Variants in LSM6 observed in about 807,000 individuals in gnomAD.
LSM6 encodes U6 snRNA-associated Sm-like protein LSm6.
A neutral mutation model predicts 13.5 loss-of-function variants in LSM6; 2 were observed. The observed-to-expected ratio is 0.15, with a 90% CI of 0.06 to 0.47. The LOEUF (loss-of-function observed/expected upper bound fraction) is 0.47. Among genes scored for constraint, LSM6 ranks in the 20% least tolerant of loss-of-function variants. The probability of loss-of-function intolerance (pLI) is 0.97; values close to 1 mark genes in which losing one functional copy is unlikely to be tolerated. For synonymous variants in LSM6, 43 were observed against 34.9 expected (o/e 1.23, Z -0.82); for missense variants, 58 against 96.4 (o/e 0.60, Z 1.67).
At chr4:146,189,482 A>G in intron 3 of LSM6, 140 bp from the exon 4 acceptor site, 1 of 648,914 alleles carries the variant, frequency 1.5e-6, no homozygotes, top group Non-Finnish European at 2.7e-6. Context: ...CAGTACTTCT[A>G]GAGTTAATTG....
At chr4:146,187,877 C>CTAA (rs1159285080) in intron 3 of LSM6, among the ~76,000 whole-genome samples, 1 of 152,090 alleles carries the variant, frequency 6.6e-6, no homozygotes. Flanking sequence ...TTTTTAACAA[C>CTAA]TAATAAATTG....
chr4:146,189,589 T>A (rs776057663), intron 3 of LSM6, 33 bp from the exon 4 acceptor site: 51 of 1,493,806 alleles, frequency 3.4e-5, no homozygotes, highest in East Asian at 3.2e-4. Context: ...CAGGGTTTTT[T>A]AAATTTCAAT....
chr4:146,179,364 C>T (rs1730181704), intron 1 of LSM6, among the ~76,000 whole-genome samples: 1 of 152,132 alleles, frequency 6.6e-6, no homozygotes, highest in Non-Finnish European at 1.5e-5. Flanking sequence ...TTACTTGAGC[C>T]AAGTGATGGG....
intron 2 of LSM6, chr4:146,183,434 C>T (rs564855443): frequency 4.9e-5 from 8 of 163,676 alleles, no homozygotes; most frequent in Non-Finnish European, 6.7e-5. Context: ...ACTCATATAA[C>T]GTATAATGTG....
chr4:146,176,471 C>A (rs1326330387), intron 1 of LSM6: 1 of 152,246 alleles, frequency 6.6e-6, no homozygotes, highest in African/African-American at 2.4e-5. Flanking sequence ...GATTACCCTG[C>A]CCCACTGCTC....
rs181430273 is a variant in LSM6, at chr4:146,177,387, A to G, written c.-11+1576A>G. Among the ~76,000 whole-genome samples the G allele has an allele frequency of 6.7e-4, 102 of 152,354 alleles. 1 individual carries two copies. The highest frequency in any genetic ancestry group is 2.2e-3 in the African/African-American group (90 of 41,574). On this transcript the variant is annotated intron_variant, in intron 1 of 3. Coordinates refer to ENST00000296581, the MANE Select transcript of LSM6 (RefSeq NM_007080.3). ...TTTAATCATCGGAGAGACCTGTAAC[A>G]CTGAAAAATTGGAAAGTGATCATTT... is the stretch of plus-strand genomic sequence containing the variant.
chr4:146,182,201 T>A (rs1730247270), intron 1 of LSM6, among the ~76,000 whole-genome samples: 1 of 152,202 alleles, frequency 6.6e-6, no homozygotes, highest in South Asian at 2.1e-4. Context: ...AATACCTCCC[T>A]TTTAGGGTAG....
chr4:146,183,958 C>T (rs1291887357), intron 2 of LSM6, among the ~76,000 whole-genome samples: 3 of 151,134 alleles, frequency 2.0e-5, no homozygotes, highest in South Asian at 2.1e-4. Context: ...CTGCAAGCTC[C>T]GCCTCTAGAC....
Position 146,183,012 on chromosome 4 carries a change from C to A in LSM6, c.91C>A (p.Arg31=). 6.2e-7 allele frequency: 1 copy of A among 1,601,952 alleles called. No individual in the cohort carries two copies. The highest frequency in any genetic ancestry group is 8.6e-7 in the Non-Finnish European group (1 of 1,169,258). The stretch of plus-strand genomic sequence containing the variant: ...AAAATTAAATTCTGGAGTGGATTAT[C>A]GAGGTAATATTTTCATGTTTCAACC... The part of the protein sequence containing the change: ...VVKLNSGVDY[R]GVLACLDGYM... Residue 31 remains arginine, a synonymous_variant, in exon 2 of 4, where the codon CGA becomes AGA. Transcript: ENST00000296581.
chr4:146,179,111 C>T (rs1459203105), intron 1 of LSM6, among the ~76,000 whole-genome samples: 2 of 152,160 alleles, frequency 1.3e-5, no homozygotes, highest in Non-Finnish European at 2.9e-5. Context: ...CTGCCTTTGA[C>T]TTAATAGTCA....
At chr4:146,184,128 G>T (rs1730294852) in intron 2 of LSM6, among the ~76,000 whole-genome samples, 1 of 150,320 alleles carries the variant, frequency 6.7e-6, no homozygotes, top group Admixed American at 6.6e-5. Flanking sequence ...GGGCAAACCA[G>T]CACACTGCGT....
chr4:146,179,486 G>A (rs1730184882), intron 1 of LSM6, among the ~76,000 whole-genome samples: 1 of 152,166 alleles, frequency 6.6e-6, no homozygotes, highest in Non-Finnish European at 1.5e-5. Flanking sequence ...AAAAGATACG[G>A]CTTTCCTAAA....
intron 2 of LSM6, 23 bp downstream of exon 2, chr4:146,183,038 T>C (rs769022160): frequency 3.4e-6 from 5 of 1,475,552 alleles, no homozygotes; most frequent in Non-Finnish European, 4.7e-6. Flanking sequence ...TGTTTCAACC[T>C]CACTGGTATA....
chr4:146,188,452 A>G (rs988885962), intron 3 of LSM6, among the ~76,000 whole-genome samples: 4 of 151,994 alleles, frequency 2.6e-5, no homozygotes, highest in African/African-American at 9.7e-5. Flanking sequence ...GCTTCCCTTC[A>G]TGTCACATTT....
chr4:146,187,433 C>G (rs1407646732), intron 3 of LSM6, 46 bp downstream of exon 3: 2 of 1,205,012 alleles, frequency 1.7e-6, no homozygotes, highest in Non-Finnish European at 2.4e-6. Flanking sequence ...ATAAGCCTTT[C>G]TATTTATAAT....
At position 146,189,693 on chromosome 4, in the gene LSM6, TA is replaced by T. The variant is rs747308995; in HGVS notation, c.*38del. On this transcript the variant is annotated 3_prime_UTR_variant, in exon 4 of 4. Coordinates refer to ENST00000296581, the MANE Select transcript of LSM6 (RefSeq NM_007080.3). ...GAGCAACGCTTTTCATAGTTGGATATATTTTTTTATGAATTTTTTCTAATTT... is the reference window on the plus strand; with the variant it reads ...GAGCAACGCTTTTCATAGTTGGATATTTTTTTTATGAATTTTTTCTAATTT... 1.0e-5 allele frequency: 16 copies of T among 1,540,464 alleles called. No individual in the cohort carries two copies. Among genetic ancestry groups the T allele is most frequent in the South Asian group, 8.5e-5 (7 of 82,360 alleles).
At chr4:146,189,080 C>T (rs891118279) in intron 3 of LSM6, among the ~76,000 whole-genome samples, 1 of 151,406 alleles carries the variant, frequency 6.6e-6, no homozygotes, top group Non-Finnish European at 1.5e-5. Flanking sequence ...GCCTCTGCCT[C>T]CCAAGCTCAA....
chr4:146,180,500 T>A (rs1212166261), intron 1 of LSM6, among the ~76,000 whole-genome samples: 1 of 152,224 alleles, frequency 6.6e-6, no homozygotes, highest in African/African-American at 2.4e-5. Flanking sequence ...ATAATACTTT[T>A]AAAATAACCT....
At position 146,189,742 on chromosome 4, in the gene LSM6, T is replaced by C. The variant is rs1730429082; in HGVS notation, c.*86T>C. On this transcript the variant is annotated 3_prime_UTR_variant, in exon 4 of 4. Coordinates refer to ENST00000296581, the MANE Select transcript of LSM6 (RefSeq NM_007080.3). ...TTTTTGCTTCTTTTGTGATACAATTTGTCCTCTTTTTATAATAGTTGGTGA... is the reference window on the plus strand; with the variant it reads ...TTTTTGCTTCTTTTGTGATACAATTCGTCCTCTTTTTATAATAGTTGGTGA... 1 of 893,778 alleles carries C rather than the reference T, an allele frequency of 1.1e-6. No individual in the cohort carries two copies. Among genetic ancestry groups the C allele is most frequent in the Non-Finnish European group, 1.8e-6 (1 of 562,566 alleles). 55.4% of individuals were successfully genotyped at this position (893,778 alleles called of 1,614,324 possible).
Sources: gnomAD v4.1 joint callset for allele counts (sites outside exome capture counted in the v4.1 genomes callset) on GRCh38, gnomAD v4.1.1 for gene constraint, MANE v1.5 for transcripts, NCBI Gene and HGNC (gene_info 2026-07-23, HGNC 2026-07-21) for gene names.